Variants in RBMS3 observed in about 807,000 individuals in gnomAD.
RBMS3 encodes RNA-binding motif, single-stranded-interacting protein 3.
A neutral mutation model predicts 66.8 loss-of-function variants in RBMS3; 27 were observed. The observed-to-expected ratio is 0.40, with a 90% CI of 0.30 to 0.56. The LOEUF is 0.56. RBMS3 is among the 20% of genes least tolerant of loss of function. The probability of loss-of-function intolerance (pLI) is 0.40; values close to 1 mark genes in which losing one functional copy is unlikely to be tolerated. For missense variants in RBMS3, 513 were observed against 549.5 expected, an observed-to-expected ratio of 0.93 and a Z score of 0.66; for synonymous variants, 188 against 183.0, an observed-to-expected ratio of 1.03 and a Z score of -0.22.
chr3:29,481,905 G>A (rs569246932), intron 2 of RBMS3, among the ~76,000 whole-genome samples: 1 of 152,284 alleles, frequency 6.6e-6, no homozygotes, highest in East Asian at 1.9e-4. Flanking sequence ...CACACATTGT[G>A]CTAGGAGTTT....
At chr3:29,856,786 C>T (rs1222869256) in intron 6 of RBMS3, among the ~76,000 whole-genome samples, 2 of 152,142 alleles carry the variant, frequency 1.3e-5, no homozygotes, top group Admixed American at 6.5e-5. Context: ...TCATAGGCGA[C>T]GTCGTTGCCA....
At chr3:29,677,137 A>C (rs1158601966) in intron 4 of RBMS3, among the ~76,000 whole-genome samples, 2 of 152,138 alleles carry the variant, frequency 1.3e-5, no homozygotes, top group Non-Finnish European at 2.9e-5. Flanking sequence ...TACAGTACTA[A>C]GGGGGATGGT....
chr3:29,419,339 A>C (rs1365998285), intron 1 of RBMS3, among the ~76,000 whole-genome samples: 1 of 152,186 alleles, frequency 6.6e-6, no homozygotes, highest in African/African-American at 2.4e-5. Context: ...AATCTTTAAA[A>C]TATTTTCTCA....
chr3:29,667,843 C>T (rs1576475439), intron 4 of RBMS3, among the ~76,000 whole-genome samples: 1 of 152,048 alleles, frequency 6.6e-6, no homozygotes, highest in African/African-American at 2.4e-5. Context: ...GTAATCCTGT[C>T]AGGATGAAAA....
intron 6 of RBMS3, among the ~76,000 whole-genome samples, chr3:29,822,028 T>A (rs563322775): frequency 3.5e-4 from 54 of 152,328 alleles, no homozygotes; most frequent in African/African-American, 1.3e-3. Flanking sequence ...AATTGGGTCA[T>A]TACTTCAAAC....
At chr3:29,781,383 G>C (rs1451156241) in intron 6 of RBMS3, among the ~76,000 whole-genome samples, 3 of 151,882 alleles carry the variant, frequency 2.0e-5, no homozygotes, top group Non-Finnish European at 4.4e-5. Flanking sequence ...TCATTAGTTT[G>C]TTCCATTTTA....
chr3:29,604,137 T>C (rs2048241895), intron 4 of RBMS3, among the ~76,000 whole-genome samples: 1 of 151,982 alleles, frequency 6.6e-6, no homozygotes, highest in African/African-American at 2.4e-5. Context: ...TATTTTGGAA[T>C]AATAAAACCA....
At chr3:29,344,871 C>T (rs908671382) in intron 1 of RBMS3, among the ~76,000 whole-genome samples, 2 of 152,170 alleles carry the variant, frequency 1.3e-5, no homozygotes, top group Non-Finnish European at 2.9e-5. Flanking sequence ...TAAGGAACTT[C>T]TTCAGAAAAG....
At chr3:29,762,762 A>G in intron 5 of RBMS3, 148 bp from the exon 6 acceptor site, 1 of 640,814 alleles carries the variant, frequency 1.6e-6, no homozygotes, top group African/African-American at 1.9e-5. Flanking sequence ...TCTCTTATCA[A>G]TCTGGTCATC....
At chr3:29,298,254 T>A (rs2033423366) in intron 1 of RBMS3, among the ~76,000 whole-genome samples, 1 of 151,930 alleles carries the variant, frequency 6.6e-6, no homozygotes, top group South Asian at 2.1e-4. Flanking sequence ...GCAATATATT[T>A]TGGGCACTTA....
intron 2 of RBMS3, among the ~76,000 whole-genome samples, chr3:29,474,609 C>T (rs1246849733): frequency 6.6e-6 from 1 of 152,172 alleles, no homozygotes; most frequent in Non-Finnish European, 1.5e-5. Context: ...CTGGGTGACA[C>T]AGACAAGGAA....
intron 3 of RBMS3, among the ~76,000 whole-genome samples, chr3:29,561,161 C>T (rs1327856412): frequency 6.6e-6 from 1 of 152,068 alleles, no homozygotes; most frequent in African/African-American, 2.4e-5. Flanking sequence ...TAGGTTGATT[C>T]CATGTCTTTG....
intron 1 of RBMS3, among the ~76,000 whole-genome samples, chr3:29,433,722 G>A (rs1351478025): frequency 1.3e-5 from 2 of 152,046 alleles, no homozygotes; most frequent in Admixed American, 6.6e-5. Context: ...AGATATGCCT[G>A]TATAAAAAAA....
chr3:29,492,937 G>A (rs1239849185), intron 3 of RBMS3, among the ~76,000 whole-genome samples: 1 of 152,050 alleles, frequency 6.6e-6, no homozygotes, highest in African/African-American at 2.4e-5. Flanking sequence ...ATGCTAAATC[G>A]GTACAGCTTT....
intron 3 of RBMS3, among the ~76,000 whole-genome samples, chr3:29,514,314 C>T (rs2044526746): frequency 6.6e-6 from 1 of 152,024 alleles, no homozygotes; most frequent in Non-Finnish European, 1.5e-5. Flanking sequence ...TGTTTGGCAA[C>T]CTAAAGCTAC....
chr3:29,928,162 T>G (rs1374276041), intron 10 of RBMS3, among the ~76,000 whole-genome samples: 1 of 144,426 alleles, frequency 6.9e-6, no homozygotes, highest in East Asian at 2.1e-4. Flanking sequence ...GAGAAACTGG[T>G]CTGCTCCTCT....
At chr3:29,732,771 A>C (rs2054190358) in intron 4 of RBMS3, among the ~76,000 whole-genome samples, 2 of 152,138 alleles carry the variant, frequency 1.3e-5, no homozygotes, top group South Asian at 2.1e-4. Context: ...GCAGCATATA[A>C]AATAGACTGT....
At chr3:29,824,467 C>A (rs1459614339) in intron 6 of RBMS3, among the ~76,000 whole-genome samples, 1 of 152,156 alleles carries the variant, frequency 6.6e-6, no homozygotes, top group Non-Finnish European at 1.5e-5. Flanking sequence ...ATAGTCTTCA[C>A]AAAAGAGTCA....
At chr3:29,581,874 C>A (rs533700082) in intron 3 of RBMS3, among the ~76,000 whole-genome samples, 23 of 152,190 alleles carry the variant, frequency 1.5e-4, no homozygotes, top group African/African-American at 5.1e-4. Flanking sequence ...CATTACTTTC[C>A]CCCAATACAC....
Sources: gnomAD v4.1 joint callset for allele counts (sites outside exome capture counted in the v4.1 genomes callset) on GRCh38, gnomAD v4.1.1 for gene constraint, MANE v1.5 for transcripts, NCBI Gene and HGNC (gene_info 2026-07-23, HGNC 2026-07-21) for gene names.